Variants in ANKRD26 observed in about 807,000 individuals in gnomAD.
ANKRD26 encodes ankyrin repeat domain 26, also known as ankyrin repeat domain-containing protein 26.
A neutral mutation model predicts 208.7 loss-of-function variants in ANKRD26; 141 were observed. That is an observed-to-expected ratio of 0.68 (90% confidence interval 0.59 to 0.78). The LOEUF (loss-of-function observed/expected upper bound fraction) is 0.78, where lower values mean the gene tolerates loss of function less well. Among genes scored for constraint, ANKRD26 ranks in the 30% least tolerant of loss-of-function variants. The probability of loss-of-function intolerance (pLI) is 0.00; values close to 1 mark genes in which losing one functional copy is unlikely to be tolerated. For synonymous variants in ANKRD26, 636 were observed against 660.4 expected (o/e 0.96, Z 0.57); for missense variants, 1,889 against 1,938.7 (o/e 0.97, Z 0.48).
chr10:26,952,903 T>C, the ANKRD26 span, among the ~76,000 whole-genome samples: 58 of 152,318 alleles, frequency 3.8e-4, no homozygotes, highest in African/African-American at 1.3e-3. Flanking sequence ...ACATCTTTGG[T>C]CTATTTTGCT....
chr10:27,057,215 A>C (rs1348416245), intron 15 of ANKRD26, among the ~76,000 whole-genome samples: 1 of 152,228 alleles, frequency 6.6e-6, no homozygotes. Context: ...TGCTACAAAC[A>C]CACTACTCCT....
the ANKRD26 span, among the ~76,000 whole-genome samples, chr10:26,948,152 G>A: frequency 2.0e-5 from 3 of 152,166 alleles, no homozygotes; most frequent in Non-Finnish European, 4.4e-5. Context: ...TGTTTGCCAG[G>A]CTGGTCTTCA....
intron 27 of ANKRD26, among the ~76,000 whole-genome samples, chr10:27,026,970 G>A (rs1423648388): frequency 6.6e-6 from 1 of 152,118 alleles, no homozygotes; most frequent in Non-Finnish European, 1.5e-5. Flanking sequence ...ATTTACAGTA[G>A]AGACAGGGTT....
intron 1 of ANKRD26, among the ~76,000 whole-genome samples, chr10:27,097,820 ATAT>A (rs2056518720): frequency 6.6e-6 from 1 of 151,960 alleles, no homozygotes; most frequent in South Asian, 2.1e-4. Context: ...CACCTGGCTA[ATAT>A]TTGTATTTTT....
At chr10:27,067,951 CAAGT>C (rs1211483287) in intron 9 of ANKRD26, among the ~76,000 whole-genome samples, 1 of 152,072 alleles carries the variant, frequency 6.6e-6, no homozygotes, top group Non-Finnish European at 1.5e-5. Context: ...TAAATAAAAC[CAAGT>C]AAGAACAGAA....
chr10:27,033,085 A>G, intron 25 of ANKRD26, 140 bp downstream of exon 25: 1 of 484,260 alleles, frequency 2.1e-6, no homozygotes, highest in Non-Finnish European at 3.0e-6. Context: ...TCCATCTCAA[A>G]AAAAAAAAAA....
rs935211216 is a variant in ANKRD26 at position 27,025,728 on chromosome 10, C to T, written c.3973-1169G>A. 2.6e-5 allele frequency among the ~76,000 whole-genome samples: 4 copies of T among 152,106 alleles called. No individual in the cohort carries two copies. The East Asian group carries it at 7.7e-4, about 29-fold the overall frequency. ...AACCCTTCATGCTGAGTCCTGTCCC[C>T]TTCCATTCCTCTTTTTTAAATTCTC... On this transcript the variant is annotated intron_variant, in intron 27 of 33. Transcript: ENST00000376087.
At chr10:27,056,547 G>T (rs1364830422) in intron 15 of ANKRD26, among the ~76,000 whole-genome samples, 1 of 151,652 alleles carries the variant, frequency 6.6e-6, no homozygotes, top group African/African-American at 2.4e-5. Flanking sequence ...GGGGGCTGAG[G>T]TGGGTGGATT....
intron 6 of ANKRD26, among the ~76,000 whole-genome samples, chr10:27,081,983 A>G (rs941852269): frequency 1.0e-4 from 15 of 146,238 alleles, no homozygotes; most frequent in Admixed American, 9.9e-4. Context: ...TGATATGCCC[A>G]CCTTGGCCTC....
intron 9 of ANKRD26, among the ~76,000 whole-genome samples, chr10:27,069,819 C>T (rs962997834): frequency 6.6e-6 from 1 of 152,058 alleles, no homozygotes; most frequent in Non-Finnish European, 1.5e-5. Flanking sequence ...GTTTCAATTA[C>T]ATATTTCAAC....
At chr10:27,066,243 TTC>T in intron 11 of ANKRD26, 1 of 318,070 alleles carries the variant, frequency 3.1e-6, no homozygotes, top group Non-Finnish European at 5.6e-6. Context: ...GCCTTTTCTT[TTC>T]TTTTTTTTTT....
intron 17 of ANKRD26, among the ~76,000 whole-genome samples, chr10:27,047,722 CTAATAATAA>C (rs1554782118): frequency 1.0e-4 from 15 of 145,154 alleles, no homozygotes; most frequent in East Asian, 3.9e-4. Flanking sequence ...ACTACTACTA[CTAATAATAA>C]TAATAATAAT....
chr10:26,977,420 T>C (rs907921372), intron 5 of ANKRD26, among the ~76,000 whole-genome samples: 1 of 152,228 alleles, frequency 6.6e-6, no homozygotes, highest in African/African-American at 2.4e-5. Context: ...GGGATAAACC[T>C]TTTTATATCG....
rs574333649 is a variant in ANKRD26, at chr10:26,986,000, G to A, written c.490-3187C>T. 1.7e-3 allele frequency among the ~76,000 whole-genome samples: 254 copies of A among 152,194 alleles called. 3 individuals carry two copies. The highest frequency in any genetic ancestry group is 0.012 in the South Asian group (57 of 4,822). ...ATCCTAAGCCAAAAGAACAAAGCTGGAGGCATCACGCTACCTGACTTCAAA... is the reference window on the plus strand; with the variant it reads ...ATCCTAAGCCAAAAGAACAAAGCTGAAGGCATCACGCTACCTGACTTCAAA... On this transcript the variant is annotated intron_variant and NMD_transcript_variant, in intron 3 of 5. Transcript: ENST00000674670.
chr10:27,028,786 T>G, intron 27 of ANKRD26, 66 bp downstream of exon 27: 1 of 1,324,744 alleles, frequency 7.5e-7, no homozygotes, highest in Non-Finnish European at 1.1e-6. Context: ...TAAGGGATAC[T>G]CAACTTGTCC....
At position 27,034,841 on chromosome 10, in the gene ANKRD26, T is replaced by G; in HGVS notation, c.3609A>C (p.Leu1203Phe). 1.2e-6 allele frequency: 2 copies of G among 1,612,000 alleles called. No individual in the cohort carries two copies. The highest frequency in any genetic ancestry group is 1.7e-6 in the Non-Finnish European group (2 of 1,179,492). ...NKELISECNH[L>F]KERQYQYENE... ...TTTCATATTGATACTGTCTTTCTTT[T>G]AAGTGATTACATTCACTGATTAACT... The change falls in exon 24 of 34, where the codon TTA becomes TTC. Residue 1203 changes from leucine to phenylalanine, a missense_variant. Coordinates refer to ENST00000376087, the MANE Select transcript of ANKRD26 (RefSeq NM_014915.3).
chr10:27,089,609 T>C (rs958379544), intron 4 of ANKRD26, among the ~76,000 whole-genome samples: 4 of 152,112 alleles, frequency 2.6e-5, no homozygotes, highest in African/African-American at 9.7e-5. Context: ...CTAAGCAACA[T>C]GGCAAAACTC....
intron 15 of ANKRD26, among the ~76,000 whole-genome samples, chr10:27,057,815 T>A (rs1200400199): frequency 6.6e-6 from 1 of 151,838 alleles, no homozygotes; most frequent in African/African-American, 2.4e-5. Flanking sequence ...CGCGCGCCTG[T>A]AGCCCTAGCT....
At chr10:27,032,895 C>T (rs1436090948) in intron 25 of ANKRD26, among the ~76,000 whole-genome samples, 2 of 149,380 alleles carry the variant, frequency 1.3e-5, no homozygotes, top group Non-Finnish European at 3.0e-5. Context: ...CACGGTGAAA[C>T]CTCGTCTCTA....
Sources: gnomAD v4.1 joint callset for allele counts (sites outside exome capture counted in the v4.1 genomes callset) on GRCh38, gnomAD v4.1.1 for gene constraint, MANE v1.5 for transcripts, NCBI Gene and HGNC (gene_info 2026-07-23, HGNC 2026-07-21) for gene names.